The following CRHR2 variants were observed in gnomAD, a reference collection of about 807,000 sequenced individuals.
CRHR2 encodes corticotropin releasing hormone receptor 2, also known as corticotropin-releasing hormone receptor 2.
Under a neutral mutation model 57.9 loss-of-function variants are expected in CRHR2, and 53 were observed. The observed-to-expected ratio is 0.92, with a 90% CI of 0.73 to 1.15. CRHR2 has a LOEUF of 1.15. Ranked by LOEUF, CRHR2 falls within the 50% of genes most tolerant of loss-of-function variation. The pLI is 0.00. For synonymous variants in CRHR2, 213 were observed against 220.9 expected (o/e 0.96, Z 0.32); for missense variants, 532 against 542.6 (o/e 0.98, Z 0.19).
chr7:30,671,410 T>C (rs1167975550), intron 2 of CRHR2, among the ~76,000 whole-genome samples: 1 of 151,100 alleles, frequency 6.6e-6, no homozygotes, highest in Non-Finnish European at 1.5e-5. Context: ...GGGGAAGGAG[T>C]ACAAGGGACA....
intron 2 of CRHR2, among the ~76,000 whole-genome samples, chr7:30,676,212 A>G (rs1784511863): frequency 6.6e-6 from 1 of 152,280 alleles, no homozygotes; most frequent in East Asian, 1.9e-4. Flanking sequence ...GGGTGTCTGG[A>G]TGGCCACAAG....
chr7:30,689,312 A>G, intron 1 of CRHR2: 2 of 1,535,718 alleles, frequency 1.3e-6, no homozygotes, highest in Non-Finnish European at 8.8e-7. Flanking sequence ...TGAGGGTCAA[A>G]GATCAGGCCC....
At chr7:30,692,971 CG>C (rs968234655) in intron 1 of CRHR2, among the ~76,000 whole-genome samples, 1 of 152,066 alleles carries the variant, frequency 6.6e-6, no homozygotes, top group Admixed American at 6.6e-5. Flanking sequence ...CTGTGGGTCA[CG>C]GATGCTGAGA....
Position 30,665,440 on chromosome 7 carries a change from C to T in CRHR2, c.425+90G>A. ...CACGGGCCCTTTTATCTGCTGGGCC[C>T]CAGAATGGAGGTGAGAATGTCTGGG... On this transcript the variant is annotated intron_variant, in intron 4 of 11. Coordinates refer to ENST00000471646, the MANE Select transcript of CRHR2 (RefSeq NM_001883.5). The surrounding 1 kb of genome is among the most constrained non-coding windows in gnomAD (Gnocchi z 4.5). 8.4e-7 allele frequency: 1 copy of T among 1,193,382 alleles called. No homozygotes were observed. Among genetic ancestry groups the T allele is most frequent in the Non-Finnish European group, 1.2e-6 (1 of 834,304 alleles). The allele number at this position is 1,193,382 out of a possible 1,614,324, so 73.9% of individuals were successfully genotyped here. A position where few individuals can be genotyped will look rare whatever the true frequency, so the allele number is the denominator to read the frequency against.
intron 1 of CRHR2, among the ~76,000 whole-genome samples, chr7:30,689,535 C>A (rs1378866562): frequency 6.6e-6 from 1 of 150,736 alleles, no homozygotes; most frequent in Non-Finnish European, 1.5e-5. Flanking sequence ...CATCCCTCAG[C>A]CCCCAAGGCT....
intron 2 of CRHR2, among the ~76,000 whole-genome samples, chr7:30,675,247 G>T (rs1337967544): frequency 6.6e-6 from 1 of 152,192 alleles, no homozygotes; most frequent in Non-Finnish European, 1.5e-5. Flanking sequence ...GCCCTGTGGG[G>T]AGCTCCCTGA....
chr7:30,682,319 C>A lies in CRHR2; in HGVS notation c.-39G>T. The A allele has an allele frequency of 1.3e-6, 2 of 1,506,698 alleles. No homozygotes were observed. Among genetic ancestry groups the A allele is most frequent in the Non-Finnish European group, 1.8e-6 (2 of 1,132,566 alleles). 93.3% of individuals were successfully genotyped at this position (1,506,698 alleles called of 1,614,324 possible). On this transcript the variant is annotated 5_prime_UTR_variant, in exon 1 of 12. Transcript: ENST00000471646. ...CGCGTGCGGAGAGGGAGTGGGAGTG[C>A]GCGCCCGGCGTGACTGCGAGGGAGT...
Position 30,681,989 on chromosome 7 carries a change from G to T in CRHR2, c.155C>A (p.Pro52His), listed in dbSNP as rs773221768. ...CACGAGGGCTCCGGCAGCGCTGCGG[G>T]GCCAGCACGTTCCGATCTGGTCCAA... ...TTLDQIGTCW[P>H]RSAAGALVER... The change falls in exon 2 of 12, where the codon CCC becomes CAC. Residue 52 changes from proline to histidine, a missense_variant. Transcript: ENST00000471646. The T allele has an allele frequency of 6.2e-7, 1 of 1,608,506 alleles. No individual in the cohort carries two copies. The highest frequency in any genetic ancestry group is 8.5e-7 in the Non-Finnish European group (1 of 1,177,980).
In CRHR2 at chr7:30,681,927, A is replaced by G; in HGVS notation, c.217T>C (p.Tyr73His). The G allele has an allele frequency of 2.5e-6, 4 of 1,611,988 alleles. No individual in the cohort carries two copies. The highest frequency in any genetic ancestry group is 3.4e-6 in the Non-Finnish European group (4 of 1,179,380). Reference sequence around the variant, plus strand: ...CGGGGGCACTCACGGGTCGTGTTGTACTTGACGCCGTTGAAGTACTCGGGG... The same window carrying G: ...CGGGGGCACTCACGGGTCGTGTTGTGCTTGACGCCGTTGAAGTACTCGGGG... ...PCPEYFNGVK[Y>H]NTTRNAYREC... The change falls in exon 2 of 12, where the codon TAC becomes CAC. Residue 73 changes from tyrosine to histidine, a missense_variant. Coordinates refer to ENST00000471646, the MANE Select transcript of CRHR2 (RefSeq NM_001883.5).
At chr7:30,675,513 C>T (rs1784490652) in intron 2 of CRHR2, among the ~76,000 whole-genome samples, 1 of 152,266 alleles carries the variant, frequency 6.6e-6, no homozygotes, top group Non-Finnish European at 1.5e-5. Flanking sequence ...CAGCCGCTGT[C>T]TCTAAAGCCA....
chr7:30,659,831 C>G (rs1783927368), intron 8 of CRHR2, among the ~76,000 whole-genome samples: 1 of 152,228 alleles, frequency 6.6e-6, no homozygotes, highest in Admixed American at 6.5e-5. Flanking sequence ...AACTGTGGCC[C>G]TTTAAGGAAG....
At position 30,662,261 on chromosome 7, in the gene CRHR2, G is replaced by T. The variant is rs1379843133; in HGVS notation, c.698-45C>A. ...GGGCTGCAGGGGACAGATGGACAGG[G>T]ACTTTCTTGTAGGACATACCGTGGG... On this transcript the variant is annotated intron_variant, in intron 6 of 11. Transcript: ENST00000471646. The T allele has an allele frequency of 1.9e-6, 3 of 1,604,824 alleles. No homozygotes were observed. In the African/African-American group the frequency reaches 4.0e-5, roughly 21 times the overall value.
intron 2 of CRHR2, among the ~76,000 whole-genome samples, chr7:30,672,209 A>T (rs750678594): frequency 5.3e-5 from 8 of 152,200 alleles, no homozygotes; most frequent in Non-Finnish European, 1.0e-4. Flanking sequence ...TCCTCCAGGT[A>T]GTTTCCATGA....
upstream of CRHR2, among the ~76,000 whole-genome samples, chr7:30,683,531 C>G (rs41516944): frequency 6.6e-6 from 1 of 152,014 alleles, no homozygotes; most frequent in South Asian, 2.1e-4. Context: ...GCATTGGGCT[C>G]GGGAAGCAGG....
At chr7:30,693,702 T>C (rs1785001840) in intron 1 of CRHR2, among the ~76,000 whole-genome samples, 3 of 152,148 alleles carry the variant, frequency 2.0e-5, no homozygotes, top group South Asian at 4.1e-4. Context: ...GGCATCTGAA[T>C]TGGGGGCAGT....
intron 7 of CRHR2, 88 bp from the exon 8 acceptor site, chr7:30,660,733 C>G (rs1365792258): frequency 1.5e-6 from 2 of 1,292,362 alleles, no homozygotes; most frequent in South Asian, 2.6e-5. Context: ...CCAGCTTTAC[C>G]CTTCCTGAGA....
At chr7:30,680,733 G>A (rs1311908691) in intron 2 of CRHR2, among the ~76,000 whole-genome samples, 1 of 152,132 alleles carries the variant, frequency 6.6e-6, no homozygotes, top group Non-Finnish European at 1.5e-5. Context: ...CCAGGAGAGT[G>A]CGGCTTGGCA....
At chr7:30,689,004 T>G (rs906027118) in intron 2 of CRHR2, 2 of 673,322 alleles carry the variant, frequency 3.0e-6, no homozygotes, top group Non-Finnish European at 5.4e-6. Context: ...GTGGCAAGCC[T>G]GAGCCTAGAA....
intron 2 of CRHR2, among the ~76,000 whole-genome samples, chr7:30,676,774 A>T (rs1784529415): frequency 1.3e-5 from 2 of 152,334 alleles, no homozygotes; most frequent in African/African-American, 2.4e-5. Context: ...CTCTGGCTGG[A>T]GACCACTCAG....
Sources: allele counts gnomAD v4.1 joint callset (sites outside exome capture counted in the v4.1 genomes callset), GRCh38; gene constraint gnomAD v4.1.1; non-coding constraint Gnocchi (gnomAD v3.1); transcripts MANE v1.5; gene names NCBI Gene and HGNC (gene_info 2026-07-23, HGNC 2026-07-21).